Variants in CNTN5 observed in about 807,000 individuals in gnomAD.
CNTN5 encodes the protein contactin 5.
A neutral mutation model predicts 129.1 loss-of-function variants in CNTN5; 77 were observed. The observed-to-expected ratio is 0.60, with a 90% CI of 0.50 to 0.72. The LOEUF (loss-of-function observed/expected upper bound fraction) is 0.72. Among genes scored for constraint, CNTN5 ranks in the 30% least tolerant of loss-of-function variants. CNTN5 has a pLI of 0.00. For missense variants in CNTN5, 1,478 were observed against 1,328.8 expected, an observed-to-expected ratio of 1.11 and a Z score of -1.75; for synonymous variants, 509 against 465.6, an observed-to-expected ratio of 1.09 and a Z score of -1.20.
intron 13 of CNTN5, among the ~76,000 whole-genome samples, chr11:100,129,335 G>T (rs1946300171): frequency 6.6e-6 from 1 of 152,112 alleles, no homozygotes; most frequent in South Asian, 2.1e-4. Context: ...TTTCAAAGTA[G>T]ATTTGTCTTA....
At chr11:99,138,602 G>T (rs1213542481) in intron 1 of CNTN5, among the ~76,000 whole-genome samples, 1 of 152,066 alleles carries the variant, frequency 6.6e-6, no homozygotes, top group Non-Finnish European at 1.5e-5. Context: ...TTAATTAATC[G>T]ATTATGCATC....
intron 21 of CNTN5, among the ~76,000 whole-genome samples, chr11:100,331,408 C>G (rs1003920202): frequency 2.6e-5 from 4 of 152,090 alleles, no homozygotes; most frequent in African/African-American, 9.7e-5. Flanking sequence ...ACTCCACTGA[C>G]AGTGCTAGAT....
intron 1 of CNTN5, among the ~76,000 whole-genome samples, chr11:99,258,316 G>T (rs1310477020): frequency 6.6e-6 from 1 of 151,790 alleles, no homozygotes; most frequent in Non-Finnish European, 1.5e-5. Context: ...CTTCAAGTGG[G>T]CCCCAGTGTT....
intron 2 of CNTN5, among the ~76,000 whole-genome samples, chr11:99,352,651 G>C (rs1409499323): frequency 6.6e-6 from 1 of 151,708 alleles, no homozygotes; most frequent in African/African-American, 2.4e-5. Flanking sequence ...TGTGTAGATA[G>C]ATATTCAGTT....
At chr11:100,337,354 G>C (rs566715094) in intron 21 of CNTN5, 1 of 837,988 alleles carries the variant, frequency 1.2e-6, no homozygotes, top group African/African-American at 1.7e-5. Context: ...ATGCACACAT[G>C]ATCACAAAGC....
Position 99,707,925 on chromosome 11 carries a change from C to T in CNTN5, c.56-111619C>T, listed in dbSNP as rs1954822076. Among the ~76,000 whole-genome samples the T allele has an allele frequency of 2.6e-5, 4 of 151,634 alleles. No homozygotes were observed. In the South Asian group the frequency reaches 8.3e-4, roughly 31 times the overall value. ...AATAGAATAATAACACACATAAATA[C>T]TTTAAAAGGTATAAAGCACTTCCAT... On this transcript the variant is annotated intron_variant, in intron 3 of 24. Transcript: ENST00000524871.
chr11:99,847,484 C>T (rs763856356), intron 6 of CNTN5, among the ~76,000 whole-genome samples: 2 of 152,136 alleles, frequency 1.3e-5, no homozygotes, highest in South Asian at 2.1e-4. Flanking sequence ...GTGGTAGCAC[C>T]TTATGACTCT....
chr11:99,275,226 T>C lies in CNTN5; in HGVS notation c.-209-50120T>C, dbSNP rs566262514. Among the ~76,000 whole-genome samples the C allele has an allele frequency of 8.6e-5, 13 of 151,580 alleles. No individual in the cohort carries two copies. The South Asian group carries it at 2.3e-3, about 27-fold the overall frequency. ...AAAAAACTCAATCAACAAACACATCTTTTTTCATCTTAGTGCTTGCTATCC... is the reference window on the plus strand; with the variant it reads ...AAAAAACTCAATCAACAAACACATCCTTTTTCATCTTAGTGCTTGCTATCC... On this transcript the variant is annotated intron_variant, in intron 1 of 24. Transcript: ENST00000524871.
chr11:99,601,794 C>A (rs1020018669), intron 3 of CNTN5, among the ~76,000 whole-genome samples: 9 of 152,200 alleles, frequency 5.9e-5, no homozygotes, highest in Non-Finnish European at 1.3e-4. Flanking sequence ...GAGCCAGCCA[C>A]CTGGCAACTA....
chr11:99,250,323 C>T (rs978105832), intron 1 of CNTN5, among the ~76,000 whole-genome samples: 2 of 151,942 alleles, frequency 1.3e-5, no homozygotes, highest in Admixed American at 1.3e-4. Context: ...TTAGTCATTA[C>T]TTGACATTAT....
chr11:100,134,586 A>T (rs191182655), intron 13 of CNTN5, among the ~76,000 whole-genome samples: 2 of 152,244 alleles, frequency 1.3e-5, no homozygotes, highest in African/African-American at 4.8e-5. Flanking sequence ...AATCCCTGTA[A>T]ATCAGGGGCT....
At chr11:99,809,071 A>G (rs1316289261) in intron 3 of CNTN5, among the ~76,000 whole-genome samples, 1 of 152,192 alleles carries the variant, frequency 6.6e-6, no homozygotes, top group African/African-American at 2.4e-5. Flanking sequence ...TTGTTTACAG[A>G]CACACATCTG....
At chr11:99,600,238 G>GA (rs142156236) in intron 3 of CNTN5, among the ~76,000 whole-genome samples, 22,566 of 151,876 alleles carry the variant, frequency 0.15, 2,024 homozygotes, top group Non-Finnish European at 0.2. Flanking sequence ...CACAAATGAA[G>GA]AAAAAAACTG....
intron 15 of CNTN5, among the ~76,000 whole-genome samples, chr11:100,205,698 C>T (rs1027995889): frequency 2.8e-4 from 14 of 49,282 alleles, no homozygotes; most frequent in African/African-American, 1.2e-3. Flanking sequence ...AAATACAGTA[C>T]AGTATAACAA....
rs114860040 is a variant in CNTN5 at position 99,094,749 on chromosome 11, T to G, written c.-210+73479T>G. 7.1e-3 allele frequency among the ~76,000 whole-genome samples: 1,084 copies of G among 151,996 alleles called. 12 individuals carry two copies. Among genetic ancestry groups the G allele is most frequent in the African/African-American group, 0.022 (896 of 41,490 alleles). On this transcript the variant is annotated intron_variant, in intron 1 of 24. Coordinates refer to ENST00000524871, the MANE Select transcript of CNTN5 (RefSeq NM_014361.4). Reference sequence around the variant, plus strand: ...GGGTAGGTGGTAAATTACAAGTATTTTTTACCAACCCCGTCTCCTGTGGAT... The same window carrying G: ...GGGTAGGTGGTAAATTACAAGTATTGTTTACCAACCCCGTCTCCTGTGGAT...
intron 21 of CNTN5, among the ~76,000 whole-genome samples, chr11:100,329,432 T>C (rs1288604681): frequency 6.6e-6 from 1 of 152,236 alleles, no homozygotes; most frequent in African/African-American, 2.4e-5. Flanking sequence ...CTTAAACAGC[T>C]GTGCTTAGGG....
chr11:99,738,720 G>C (rs1370761625), intron 3 of CNTN5, among the ~76,000 whole-genome samples: 1 of 151,450 alleles, frequency 6.6e-6, no homozygotes, highest in Non-Finnish European at 1.5e-5. Context: ...AAGCTGAAGA[G>C]GTATTCAAAT....
chr11:100,268,956 A>G (rs148278582), intron 17 of CNTN5, among the ~76,000 whole-genome samples: 803 of 152,314 alleles, frequency 5.3e-3, no homozygotes, highest in Middle Eastern at 0.01. Flanking sequence ...TGAGTCTGAA[A>G]TCTAGGGAAG....
chr11:99,831,425 G>A (rs1449196139), intron 4 of CNTN5, among the ~76,000 whole-genome samples: 3 of 152,180 alleles, frequency 2.0e-5, no homozygotes, highest in Non-Finnish European at 4.4e-5. Context: ...TATTGCTTGT[G>A]TGACATGCAG....
Sources: allele counts gnomAD v4.1 joint callset (sites outside exome capture counted in the v4.1 genomes callset), GRCh38; gene constraint gnomAD v4.1.1; transcripts MANE v1.5; gene names NCBI Gene and HGNC (gene_info 2026-07-23, HGNC 2026-07-21).